CUX1: variants seen among roughly 807,000 people sequenced by gnomAD.
CUX1 encodes cut like homeobox 1.
Under a neutral mutation model 158.8 loss-of-function variants are expected in CUX1, and 31 were observed. That is an observed-to-expected ratio of 0.20 (90% CI 0.15 to 0.26). CUX1 has a LOEUF of 0.26. CUX1 is among the 10% of genes least tolerant of loss of function. CUX1 has a pLI of 1.00. For synonymous variants in CUX1, 879 were observed against 862.1 expected (o/e 1.02, Z -0.34); for missense variants, 1,589 against 2,014.6 (o/e 0.79, Z 4.04).
chr7:102,072,099 AT>A (rs1826197823), intron 4 of CUX1, among the ~76,000 whole-genome samples: 1 of 152,230 alleles, frequency 6.6e-6, no homozygotes, highest in East Asian at 1.9e-4. Flanking sequence ...GTTTTGAGCA[AT>A]GAATTGGACA....
chr7:102,233,472 G>A (rs1371406509), intron 21 of CUX1, among the ~76,000 whole-genome samples: 2 of 152,096 alleles, frequency 1.3e-5, no homozygotes, highest in Non-Finnish European at 2.9e-5. Flanking sequence ...TCCGGCCACC[G>A]CACCAGGCTG....
intron 1 of CUX1, among the ~76,000 whole-genome samples, chr7:101,821,771 T>C (rs1459937037): frequency 7.3e-6 from 1 of 137,830 alleles, no homozygotes; most frequent in Non-Finnish European, 1.5e-5. Flanking sequence ...GCCTCCAGGG[T>C]TCAGGCCATT....
At chr7:101,844,117 C>T (rs977370714) in intron 1 of CUX1, among the ~76,000 whole-genome samples, 2 of 152,122 alleles carry the variant, frequency 1.3e-5, no homozygotes, top group African/African-American at 2.4e-5. Context: ...TTGAATCATT[C>T]ATAAAGAAAT....
upstream of CUX1, chr7:101,817,096 T>G: frequency 1.0e-6 from 1 of 984,244 alleles, no homozygotes; most frequent in Non-Finnish European, 1.2e-6. The surrounding 1 kb of genome is among the most constrained non-coding windows in gnomAD (Gnocchi z 4.1). Flanking sequence ...CCGCGCGCAG[T>G]GTCGCTGGGT....
intron 1 of CUX1, among the ~76,000 whole-genome samples, chr7:101,848,856 G>GA (rs967020709): frequency 4.1e-4 from 58 of 140,940 alleles, no homozygotes; most frequent in African/African-American, 8.5e-4. Flanking sequence ...CCAGGAAACG[G>GA]AAAAAAAAAA....
intron 4 of CUX1, among the ~76,000 whole-genome samples, chr7:102,091,087 CATCAGTATATAGA>C (rs782227995): frequency 6.0e-4 from 91 of 152,128 alleles, no homozygotes; most frequent in Non-Finnish European, 1.2e-3. Context: ...TGTCTTTGCC[CATCAGTATATAGA>C]TGATGGAAAC....
intron 8 of CUX1, among the ~76,000 whole-genome samples, chr7:102,123,608 CAA>C (rs1248618884): frequency 1.5e-4 from 13 of 88,564 alleles, no homozygotes; most frequent in African/African-American, 3.1e-4. Context: ...GACTCCGTCT[CAA>C]AAAAAAAAAA....
intron 4 of CUX1, among the ~76,000 whole-genome samples, chr7:102,075,013 C>T (rs1826556533): frequency 6.6e-6 from 1 of 152,090 alleles, no homozygotes; most frequent in Admixed American, 6.6e-5. Context: ...CGTGCGCCAC[C>T]ACACCTGGCT....
chr7:102,257,210 C>T lies in CUX1; in HGVS notation c.*8168C>T. 1 of 985,386 alleles carries T rather than the reference C, an allele frequency of 1.0e-6. No individual in the cohort carries two copies. Among genetic ancestry groups the T allele is most frequent in the African/African-American group, 1.7e-5 (1 of 57,344 alleles). 61.0% of individuals were successfully genotyped at this position (985,386 alleles called of 1,614,324 possible). On this transcript the variant is annotated 3_prime_UTR_variant, in exon 24 of 24. Coordinates refer to ENST00000292535, the MANE Select transcript of CUX1 (RefSeq NM_181552.4). ...GGAAGAGCATCTCTTTCCATATCATCACCTCCCCTTCTCCAAGATTGCCGG... is the reference window on the plus strand; with the variant it reads ...GGAAGAGCATCTCTTTCCATATCATTACCTCCCCTTCTCCAAGATTGCCGG...
intron 3 of CUX1, among the ~76,000 whole-genome samples, chr7:102,038,565 T>A (rs1821706974): frequency 6.6e-6 from 1 of 152,206 alleles, no homozygotes; most frequent in Non-Finnish European, 1.5e-5. Flanking sequence ...GGAGCATAAG[T>A]TGATTTAAAC....
At chr7:101,915,246 A>T (rs1804046574) in intron 1 of CUX1, among the ~76,000 whole-genome samples, 1 of 152,150 alleles carries the variant, frequency 6.6e-6, no homozygotes, top group African/African-American at 2.4e-5. Context: ...CATCTGCTGC[A>T]GGCTTGTTGG....
chr7:101,974,015 G>A (rs1332010033), intron 2 of CUX1, among the ~76,000 whole-genome samples: 2 of 151,210 alleles, frequency 1.3e-5, no homozygotes, highest in African/African-American at 2.4e-5. Context: ...TGATCCACTC[G>A]CCTCAGCCTC....
chr7:101,937,883 C>T (rs1370494053), intron 2 of CUX1, among the ~76,000 whole-genome samples: 1 of 152,162 alleles, frequency 6.6e-6, no homozygotes, highest in African/African-American at 2.4e-5. Context: ...AATGTGAGTT[C>T]AGCAGACACC....
intron 8 of CUX1, among the ~76,000 whole-genome samples, chr7:102,141,247 T>A (rs1355168500): frequency 6.6e-6 from 1 of 152,124 alleles, no homozygotes; most frequent in Non-Finnish European, 1.5e-5. Context: ...ATGCTGTCTT[T>A]CCTATGAACG....
At chr7:101,946,677 G>A (rs1031980394) in intron 2 of CUX1, among the ~76,000 whole-genome samples, 1 of 152,128 alleles carries the variant, frequency 6.6e-6, no homozygotes, top group Admixed American at 6.6e-5. Context: ...GGGGGGCAGA[G>A]GAAGGAAAGA....
intron 20 of CUX1, chr7:102,281,711 A>G: frequency 1.5e-6 from 1 of 676,332 alleles, no homozygotes; most frequent in Admixed American, 2.2e-5. Context: ...ATAATGATGG[A>G]ATAGGGGCCC....
chr7:102,161,354 A>G (rs1010562535), intron 9 of CUX1: 1 of 152,202 alleles, frequency 6.6e-6, no homozygotes, highest in African/African-American at 2.4e-5. Flanking sequence ...TCTCAAAAAA[A>G]ATAAAAGAAG....
intron 5 of CUX1, among the ~76,000 whole-genome samples, chr7:102,099,582 A>G (rs782578707): frequency 8.0e-5 from 12 of 149,644 alleles, no homozygotes; most frequent in Admixed American, 1.3e-4. Flanking sequence ...TTTTAGATTC[A>G]GGGTCTCGCC....
At chr7:102,228,748 T>A (rs2080207982) in intron 21 of CUX1, among the ~76,000 whole-genome samples, 1 of 152,166 alleles carries the variant, frequency 6.6e-6, no homozygotes, top group South Asian at 2.1e-4. Flanking sequence ...CAGTGAGCTA[T>A]GACCATGCCA....
Sources: allele counts gnomAD v4.1 joint callset (sites outside exome capture counted in the v4.1 genomes callset), GRCh38; gene constraint gnomAD v4.1.1; non-coding constraint Gnocchi (gnomAD v3.1); transcripts MANE v1.5; gene names NCBI Gene and HGNC (gene_info 2026-07-23, HGNC 2026-07-21).